SLC39A11: variants seen among roughly 807,000 people sequenced by gnomAD.
SLC39A11 encodes the protein solute carrier family 39 member 11, also known as zinc transporter ZIP11.
In SLC39A11, 33 loss-of-function variants were observed where a neutral mutation model predicts 36.1. The ratio of observed to expected loss-of-function variants is 0.91; its 90% CI spans 0.69 to 1.22. The LOEUF is 1.22. SLC39A11 is among the 50% of genes most tolerant of loss of function. The pLI, the probability that SLC39A11 is intolerant of heterozygous loss-of-function variation, is 0.00. For missense variants in SLC39A11, 432 were observed against 430.3 expected (o/e 1.00, Z -0.03); for synonymous variants, 166 against 170.3 (o/e 0.97, Z 0.20).
At position 72,720,564 on chromosome 17, in the gene SLC39A11, A is replaced by G. The variant is rs1423080566; in HGVS notation, c.671+16086T>C. On this transcript the variant is annotated intron_variant, in intron 7 of 9. Transcript: ENST00000255559. ...GTCCTGGACCTGAGTGGAAATAGAA[A>G]TGGGCTGGCCATCTAGCTGTAGGAT... Among the ~76,000 whole-genome samples the G allele has an allele frequency of 7.4e-4, 113 of 152,206 alleles. 1 individual carries two copies. Among genetic ancestry groups the G allele is most frequent in the Admixed American group, 7.2e-3 (110 of 15,284 alleles).
At chr17:73,009,861 G>A (rs1030248083) in intron 4 of SLC39A11, among the ~76,000 whole-genome samples, 14 of 152,042 alleles carry the variant, frequency 9.2e-5, no homozygotes, top group Admixed American at 3.9e-4. Context: ...TACATTAGGT[G>A]TAGCTCCTAA....
chr17:73,024,340 A>G (rs1473130282), intron 4 of SLC39A11, among the ~76,000 whole-genome samples: 3 of 152,210 alleles, frequency 2.0e-5, no homozygotes, highest in African/African-American at 7.2e-5. Context: ...AAGAAAGCAC[A>G]ATCCTAAAAA....
In SLC39A11 at chr17:72,649,170, C is replaced by G. The variant is rs1045495137; in HGVS notation, c.770G>C (p.Trp257Ser). The G allele has an allele frequency of 6.2e-6, 10 of 1,613,098 alleles. No homozygotes were observed. The Admixed American group carries it at 1.3e-4, about 22-fold the overall frequency. ...GGCCTTGCCCTTGGGCAGCACTCACCAGAAAGCTCTCCAGGTGGAGAAGCC... is the reference window on the plus strand; with the variant it reads ...GGCCTTGCCCTTGGGCAGCACTCACGAGAAAGCTCTCCAGGTGGAGAAGCC... ...GAGFSTWRAFWYGQLSGMVEP... is the reference protein window; with the variant it reads ...GAGFSTWRAFSYGQLSGMVEP... Residue 257 changes from tryptophan (W) to serine (S), a missense_variant and splice_region_variant, in exon 8 of 10, where the codon TGG becomes TCG. Physicochemically the swap from Trp to Ser is radical, Grantham distance 177. Coordinates refer to ENST00000255559, the MANE Select transcript of SLC39A11 (RefSeq NM_139177.4).
chr17:72,683,772 C>A (rs2071615769), intron 7 of SLC39A11, among the ~76,000 whole-genome samples: 1 of 152,040 alleles, frequency 6.6e-6, no homozygotes, highest in African/African-American at 2.4e-5. Context: ...AAGTGCAGCT[C>A]AAAGTCAGAT....
chr17:72,650,162 T>A (rs959873837), intron 7 of SLC39A11, among the ~76,000 whole-genome samples: 1 of 152,206 alleles, frequency 6.6e-6, no homozygotes, highest in African/African-American at 2.4e-5. Context: ...GCTCTGCAGG[T>A]CTGGCACCAT....
At chr17:72,720,418 A>G (rs1448661697) in intron 7 of SLC39A11, among the ~76,000 whole-genome samples, 2 of 151,984 alleles carry the variant, frequency 1.3e-5, no homozygotes, top group African/African-American at 4.8e-5. Flanking sequence ...GTAGCCAGGC[A>G]CACTCAGAGA....
chr17:73,052,858 G>T, intron 3 of SLC39A11, among the ~76,000 whole-genome samples: 2 of 152,172 alleles, frequency 1.3e-5, no homozygotes. Context: ...GTGCCATCAT[G>T]CCTGGCTAAT....
At chr17:72,893,462 A>G (rs2081865945) in intron 5 of SLC39A11, among the ~76,000 whole-genome samples, 1 of 151,140 alleles carries the variant, frequency 6.6e-6, no homozygotes, top group African/African-American at 2.4e-5. Context: ...TGTCTCAGGG[A>G]AAAAAAATAT....
intron 6 of SLC39A11, among the ~76,000 whole-genome samples, chr17:72,759,742 CAT>C (rs1481966338): frequency 1.3e-5 from 2 of 151,880 alleles, no homozygotes; most frequent in African/African-American, 2.4e-5. Flanking sequence ...ATAAACAAGA[CAT>C]AGAATTCTCA....
intron 5 of SLC39A11, among the ~76,000 whole-genome samples, chr17:72,901,174 C>A (rs371690047): frequency 3.9e-5 from 6 of 152,200 alleles, no homozygotes; most frequent in Non-Finnish European, 8.8e-5. Context: ...AATGAGGTGG[C>A]CTCGGCAGCT....
At chr17:72,904,481 A>G (rs1040246704) in intron 5 of SLC39A11, among the ~76,000 whole-genome samples, 2 of 152,180 alleles carry the variant, frequency 1.3e-5, no homozygotes, top group African/African-American at 4.8e-5. Context: ...TCTGGTCTGC[A>G]TGGCAAGAGT....
intron 3 of SLC39A11, among the ~76,000 whole-genome samples, chr17:73,064,725 A>T (rs2144339660): frequency 6.6e-6 from 1 of 152,272 alleles, no homozygotes; most frequent in East Asian, 1.9e-4. Flanking sequence ...AGGGAAGGGA[A>T]GTGGAATGAG....
intron 5 of SLC39A11, among the ~76,000 whole-genome samples, chr17:72,915,876 C>T (rs544136922): frequency 3.3e-5 from 5 of 152,340 alleles, no homozygotes; most frequent in South Asian, 2.1e-4. Context: ...AGGGAACCTT[C>T]GCTTTCTTTT....
chr17:72,728,989 G>C (rs1489393659), intron 7 of SLC39A11, among the ~76,000 whole-genome samples: 1 of 152,128 alleles, frequency 6.6e-6, no homozygotes, highest in Non-Finnish European at 1.5e-5. Flanking sequence ...ACAACATCCA[G>C]TATCTTCTTC....
chr17:72,963,313 G>A (rs1459127391), intron 4 of SLC39A11, among the ~76,000 whole-genome samples: 1 of 151,712 alleles, frequency 6.6e-6, no homozygotes, highest in African/African-American at 2.4e-5. Flanking sequence ...TGGGACTACA[G>A]GCGCCCGCCA....
intron 4 of SLC39A11, among the ~76,000 whole-genome samples, chr17:72,981,966 G>A (rs1224389980): frequency 1.3e-5 from 2 of 152,124 alleles, no homozygotes; most frequent in African/African-American, 2.4e-5. Flanking sequence ...GCTGTAGGCC[G>A]GAGCAGTGGC....
intron 6 of SLC39A11, among the ~76,000 whole-genome samples, chr17:72,738,502 G>A (rs576390530): frequency 1.8e-4 from 27 of 152,264 alleles, no homozygotes; most frequent in African/African-American, 5.5e-4. Flanking sequence ...CACTCGCCTA[G>A]GGATCAGATG....
chr17:72,853,558 A>G (rs1198202444), intron 5 of SLC39A11, among the ~76,000 whole-genome samples: 1 of 152,038 alleles, frequency 6.6e-6, no homozygotes, highest in African/African-American at 2.4e-5. Context: ...TTATAGGAAC[A>G]TCAAGGAGCA....
chr17:72,668,726 G>T (rs2070865235), intron 7 of SLC39A11, among the ~76,000 whole-genome samples: 1 of 152,220 alleles, frequency 6.6e-6, no homozygotes, highest in Non-Finnish European at 1.5e-5. Flanking sequence ...CCCACCTGGA[G>T]AGCCACTCAC....
Sources: gnomAD v4.1 joint callset for allele counts (sites outside exome capture counted in the v4.1 genomes callset) on GRCh38, gnomAD v4.1.1 for gene constraint, MANE v1.5 for transcripts, NCBI Gene and HGNC (gene_info 2026-07-23, HGNC 2026-07-21) for gene names.